The following ETV6 variants were observed in gnomAD, a reference collection of about 807,000 sequenced individuals.
ETV6 encodes the protein ETS variant transcription factor 6.
In ETV6, 16 loss-of-function variants were observed where a neutral mutation model predicts 51.1. The ratio of observed to expected loss-of-function variants is 0.31; its 90% CI spans 0.21 to 0.48. The LOEUF is 0.48. Ranked by LOEUF, ETV6 falls within the 20% of genes least tolerant of loss-of-function variation. The probability of loss-of-function intolerance (pLI) is 0.99; values close to 1 mark genes in which losing one functional copy is unlikely to be tolerated. For missense variants in ETV6, 458 were observed against 594.8 expected, an observed-to-expected ratio of 0.77 and a Z score of 2.39; for synonymous variants, 240 against 224.1, an observed-to-expected ratio of 1.07 and a Z score of -0.64.
intron 1 of ETV6, among the ~76,000 whole-genome samples, chr12:11,735,908 G>A (rs1170445119): frequency 2.0e-5 from 3 of 152,158 alleles, no homozygotes; most frequent in African/African-American, 7.2e-5. Flanking sequence ...CCAGCTCGTC[G>A]CTTATTATGC....
At chr12:11,726,382 T>C (rs976492282) in intron 1 of ETV6, among the ~76,000 whole-genome samples, 1 of 152,184 alleles carries the variant, frequency 6.6e-6, no homozygotes, top group Non-Finnish European at 1.5e-5. Context: ...GGTAATTTTG[T>C]GTACCCACTA....
rs1173706075 is a variant in ETV6, at chr12:11,811,140, C to T, written c.164-28000C>T. Among the ~76,000 whole-genome samples, 8 of 152,112 alleles carry T rather than the reference C, an allele frequency of 5.3e-5. No homozygotes were observed. The East Asian group carries it at 9.6e-4, about 18-fold the overall frequency. ...GTCTTCTCTAACTCAAATCATTGCC[C>T]GGATATTGCTTATAACAGGAGCTCA... On this transcript the variant is annotated intron_variant, in intron 2 of 7. Transcript: ENST00000396373.
rs577518167 is a variant in ETV6 at position 11,750,993 on chromosome 12, G to A, written c.34-1457G>A. The A allele has an allele frequency of 7.8e-6, 3 of 386,960 alleles. No individual in the cohort carries two copies. The Admixed American group carries it at 1.1e-4, about 14-fold the overall frequency. The allele number at this position is 386,960 out of a possible 1,614,324, so 24.0% of individuals were successfully genotyped here. A position where few individuals can be genotyped will look rare whatever the true frequency, so the allele number is the denominator to read the frequency against. ...CCCAGAAATGAAACCTGGGATATAT[G>A]TGCCTGCCCTTCATTAAGAAATTCA... On this transcript the variant is annotated intron_variant, in intron 1 of 7. Coordinates refer to ENST00000396373, the MANE Select transcript of ETV6 (RefSeq NM_001987.5).
intron 1 of ETV6, among the ~76,000 whole-genome samples, chr12:11,733,565 G>A (rs908098789): frequency 1.3e-5 from 2 of 152,140 alleles, no homozygotes; most frequent in Admixed American, 6.5e-5. Flanking sequence ...GTAAAGGAGA[G>A]TAAGTGCACT....
rs1403411205 is a variant in ETV6 at position 11,891,801 on chromosome 12, T to G, written c.*755T>G. ...AACAGAATCAGTGACCCGGGTGCTT[T>G]GTGGCCAGCAGCACAGAATCAAACC... is the stretch of plus-strand genomic sequence containing the variant. On this transcript the variant is annotated 3_prime_UTR_variant, in exon 8 of 8. Coordinates refer to ENST00000396373, the MANE Select transcript of ETV6 (RefSeq NM_001987.5). 2 of 348,296 alleles carry G rather than the reference T, an allele frequency of 5.7e-6. No homozygotes were observed. The highest frequency in any genetic ancestry group is 1.1e-5 in the Non-Finnish European group (2 of 179,524). The allele number at this position is 348,296 out of a possible 1,614,324, so 21.6% of individuals were successfully genotyped here.
Position 11,886,031 on chromosome 12 carries a change from C to A in ETV6, c.1253+5C>A. 1 of 1,598,794 alleles carries A rather than the reference C, an allele frequency of 6.3e-7. No homozygotes were observed. The highest frequency in any genetic ancestry group is 8.6e-7 in the Non-Finnish European group (1 of 1,166,716). ...AGGACAAAGGCTTTTGTTCAGGTAGCACTTCCTTTTTCTCCTTTCCTTCTT... is the reference window on the plus strand; with the variant it reads ...AGGACAAAGGCTTTTGTTCAGGTAGAACTTCCTTTTTCTCCTTTCCTTCTT... On this transcript the variant is annotated splice_donor_5th_base_variant and intron_variant, in intron 7 of 7. Coordinates refer to ENST00000396373, the MANE Select transcript of ETV6 (RefSeq NM_001987.5).
intron 2 of ETV6, among the ~76,000 whole-genome samples, chr12:11,810,895 C>G (rs1350410358): frequency 2.0e-5 from 3 of 152,172 alleles, no homozygotes; most frequent in Admixed American, 1.3e-4. Context: ...CACCCACCTT[C>G]CCTTGGATAC....
At chr12:11,690,231 C>T (rs1265004015) in intron 1 of ETV6, among the ~76,000 whole-genome samples, 1 of 151,678 alleles carries the variant, frequency 6.6e-6, no homozygotes, top group Non-Finnish European at 1.5e-5. Context: ...AGGTGTAAAT[C>T]AGTTTGTGGT....
At chr12:11,777,452 T>C (rs558475633) in intron 2 of ETV6, among the ~76,000 whole-genome samples, 1 of 151,908 alleles carries the variant, frequency 6.6e-6, no homozygotes, top group Non-Finnish European at 1.5e-5. Flanking sequence ...TGGAGTTTTT[T>C]TGTTTTTTTT....
At chr12:11,720,894 T>TA (rs1194532140) in intron 1 of ETV6, among the ~76,000 whole-genome samples, 1 of 151,762 alleles carries the variant, frequency 6.6e-6, no homozygotes, top group Non-Finnish European at 1.5e-5. Context: ...ATAACTCCAT[T>TA]AAAAAATGGG....
chr12:11,872,657 C>A (rs549082967), intron 5 of ETV6, among the ~76,000 whole-genome samples: 5 of 152,010 alleles, frequency 3.3e-5, no homozygotes, highest in African/African-American at 9.6e-5. Flanking sequence ...CCATGCCTGG[C>A]GAATTTTTTT....
intron 6 of ETV6, 146 bp from the exon 7 acceptor site, chr12:11,885,780 C>T (rs1019995838): frequency 2.2e-5 from 13 of 602,648 alleles, no homozygotes; most frequent in African/African-American, 3.8e-5. Flanking sequence ...GGAAGGCAGC[C>T]GATTAGCAGG....
At chr12:11,769,884 C>A (rs1044083283) in intron 2 of ETV6, among the ~76,000 whole-genome samples, 1 of 152,178 alleles carries the variant, frequency 6.6e-6, no homozygotes, top group African/African-American at 2.4e-5. Context: ...TCCTGAAGCC[C>A]AGAGCTGTGA....
At chr12:11,683,467 A>G (rs1268513853) in intron 1 of ETV6, among the ~76,000 whole-genome samples, 2 of 152,250 alleles carry the variant, frequency 1.3e-5, no homozygotes, top group Non-Finnish European at 2.9e-5. Context: ...TGCAACTAAG[A>G]TCAAATTTTT....
At chr12:11,813,351 A>T (rs1323102549) in intron 2 of ETV6, among the ~76,000 whole-genome samples, 1 of 151,976 alleles carries the variant, frequency 6.6e-6, no homozygotes, top group Non-Finnish European at 1.5e-5. Flanking sequence ...TGCCTGCAGC[A>T]CAGGCAGTGT....
intron 1 of ETV6, among the ~76,000 whole-genome samples, chr12:11,707,107 A>G (rs528643134): frequency 7.5e-4 from 114 of 152,372 alleles, no homozygotes; most frequent in African/African-American, 2.6e-3. Context: ...GGCCTCAACA[A>G]TCAAACCTCA....
chr12:11,676,887 C>T (rs1342127091), intron 1 of ETV6, among the ~76,000 whole-genome samples: 2 of 152,186 alleles, frequency 1.3e-5, no homozygotes, highest in African/African-American at 2.4e-5. Context: ...GATGCTCTCC[C>T]GAGCATTCTT....
intron 3 of ETV6, among the ~76,000 whole-genome samples, chr12:11,850,565 G>A (rs1946537780): frequency 6.9e-6 from 1 of 144,310 alleles, no homozygotes; most frequent in Non-Finnish European, 1.6e-5. Flanking sequence ...GGTGGTAGTG[G>A]TGGTGGTAGT....
intron 4 of ETV6, among the ~76,000 whole-genome samples, chr12:11,868,017 A>G (rs1334075031): frequency 3.9e-5 from 6 of 152,172 alleles, no homozygotes; most frequent in Admixed American, 3.9e-4. Context: ...ATCCTCGCTC[A>G]CATGTCACCA....
Sources: gnomAD v4.1 joint callset for allele counts (sites outside exome capture counted in the v4.1 genomes callset) on GRCh38, gnomAD v4.1.1 for gene constraint, MANE v1.5 for transcripts, NCBI Gene and HGNC (gene_info 2026-07-23, HGNC 2026-07-21) for gene names.